The following CASR variants were observed in gnomAD, a reference collection of about 807,000 sequenced individuals.
CASR encodes the protein extracellular calcium-sensing receptor.
CASR carries 23 observed loss-of-function variants against 69.1 expected under a neutral mutation model. The observed-to-expected ratio is 0.33, with a 90% confidence interval of 0.24 to 0.47. The LOEUF is 0.47. CASR is among the 20% of genes least tolerant of loss of function. CASR has a pLI of 1.00. For missense variants in CASR, 924 were observed against 1,356.1 expected, an observed-to-expected ratio of 0.68 and a Z score of 5.00; for synonymous variants, 541 against 544.7, an observed-to-expected ratio of 0.99 and a Z score of 0.10.
chr3:122,251,439 A>T (rs1055808578), intron 1 of CASR, among the ~76,000 whole-genome samples: 1 of 152,228 alleles, frequency 6.6e-6, no homozygotes, highest in Non-Finnish European at 1.5e-5. Flanking sequence ...TCTGTGTTCC[A>T]CTAAAGCTGT....
chr3:122,188,848 A>G (rs2107578542), intron 1 of CASR, among the ~76,000 whole-genome samples: 1 of 152,288 alleles, frequency 6.6e-6, no homozygotes, highest in South Asian at 2.1e-4. Flanking sequence ...AAAGTCCATG[A>G]GAATTAGAGG....
At chr3:122,232,747 C>G (rs956678694) in intron 1 of CASR, among the ~76,000 whole-genome samples, 24 of 152,026 alleles carry the variant, frequency 1.6e-4, no homozygotes, top group Non-Finnish European at 1.8e-4. Flanking sequence ...TCTCGAAAGC[C>G]CTTTCTGACT....
chr3:122,271,199 TA>T (rs2074753553), intron 4 of CASR, among the ~76,000 whole-genome samples: 1 of 152,210 alleles, frequency 6.6e-6, no homozygotes, highest in African/African-American at 2.4e-5. Flanking sequence ...ATATCTATTC[TA>T]TTAATTATGC....
chr3:122,254,085 A>G lies in CASR; in HGVS notation c.-105A>G, dbSNP rs2074526032. On this transcript the variant is annotated 5_prime_UTR_variant, in exon 2 of 7. Coordinates refer to ENST00000639785, the MANE Select transcript of CASR (RefSeq NM_000388.4). ...TATTATTTTATTAATCAATCTGTAG[A>G]CATGTGTCCCCACTGCAGGGAGTGA... The G allele has an allele frequency of 1.1e-6, 1 of 937,898 alleles. No individual in the cohort carries two copies. Among genetic ancestry groups the G allele is most frequent in the Admixed American group, 1.7e-5 (1 of 59,118 alleles). The allele number at this position is 937,898 out of a possible 1,614,324, so 58.1% of individuals were successfully genotyped here. A position where few individuals can be genotyped will look rare whatever the true frequency, so the allele number is the denominator to read the frequency against.
Position 122,257,354 on chromosome 3 carries a change from G to C in CASR, c.459G>C (p.Val153=), listed in dbSNP as rs2107627855. ...CTGGCTCAGGCGTCTCCACGGCAGT[G>C]GCAAATCTGCTGGGGCTCTTCTACA... The part of the protein sequence containing the change: ...GATGSGVSTA[V]ANLLGLFYIP... The change falls in exon 3 of 7, where the codon GTG becomes GTC. Residue 153 remains valine (V), a synonymous_variant. Coordinates refer to ENST00000639785, the MANE Select transcript of CASR (RefSeq NM_000388.4). 2 of 1,614,084 alleles carry C rather than the reference G, an allele frequency of 1.2e-6. No individual in the cohort carries two copies. The highest frequency in any genetic ancestry group is 8.5e-7 in the Non-Finnish European group (1 of 1,179,976).
intron 1 of CASR, among the ~76,000 whole-genome samples, chr3:122,210,755 CAA>C (rs748641958): frequency 6.6e-6 from 1 of 151,014 alleles, no homozygotes; most frequent in Non-Finnish European, 1.5e-5. Context: ...TATATGGAGC[CAA>C]AAAAAAGAGC....
chr3:122,272,817 T>A (rs143995369), intron 4 of CASR, among the ~76,000 whole-genome samples: 53 of 152,336 alleles, frequency 3.5e-4, no homozygotes, highest in African/African-American at 1.1e-3. Context: ...TATCATGAGT[T>A]TTTTAATGAC....
At chr3:122,255,332 G>A (rs1371461741) in intron 2 of CASR, among the ~76,000 whole-genome samples, 2 of 152,122 alleles carry the variant, frequency 1.3e-5, no homozygotes, top group Non-Finnish European at 2.9e-5. Flanking sequence ...CTTCCAGAAG[G>A]GATCCAGCAC....
rs1553768963 is a variant in CASR, at chr3:122,283,902, C to T, written c.1948C>T (p.Leu650Phe). 2 of 1,613,756 alleles carry T rather than the reference C, an allele frequency of 1.2e-6. No homozygotes were observed. Among genetic ancestry groups the T allele is most frequent in the Non-Finnish European group, 1.7e-6 (2 of 1,179,962 alleles). Residue 650 changes from leucine (L) to phenylalanine (F), a missense_variant, in exon 7 of 7, where the codon CTC becomes TTC. Coordinates refer to ENST00000639785, the MANE Select transcript of CASR (RefSeq NM_000388.4). ...TPIVKATNRE[L>F]SYLLLFSLLC... ...CATTGTCAAGGCCACCAACCGAGAG[C>T]TCTCCTACCTCCTCCTCTTCTCCCT...
intron 1 of CASR, among the ~76,000 whole-genome samples, chr3:122,195,495 C>G (rs1204245046): frequency 3.9e-5 from 6 of 152,102 alleles, no homozygotes; most frequent in Non-Finnish European, 7.4e-5. Flanking sequence ...CTCTTTGGTG[C>G]CTCATTCCAT....
rs1438218932 is a variant in CASR, at chr3:122,288,038, A to G, written c.*2847A>G. On this transcript the variant is annotated 3_prime_UTR_variant, in exon 7 of 7. Coordinates refer to ENST00000639785, the MANE Select transcript of CASR (RefSeq NM_000388.4). ...CCTATGGCTATGTTGTTACATGGCAAGGGTGAATTAAAGTATAGTGGAATT... is the reference window on the plus strand; with the variant it reads ...CCTATGGCTATGTTGTTACATGGCAGGGGTGAATTAAAGTATAGTGGAATT... The G allele has an allele frequency of 2.0e-5, 3 of 152,256 alleles. No homozygotes were observed. Among genetic ancestry groups the G allele is most frequent in the Non-Finnish European group, 4.4e-5 (3 of 68,054 alleles). The allele number at this position is 152,256 out of a possible 1,614,324, so 9.4% of individuals were successfully genotyped here.
intron 1 of CASR, among the ~76,000 whole-genome samples, chr3:122,193,814 A>C (rs565744326): frequency 2.4e-4 from 36 of 152,224 alleles, no homozygotes; most frequent in Non-Finnish European, 4.7e-4. Context: ...AAATCTAGTC[A>C]CAGTAAAGTA....
intron 1 of CASR, among the ~76,000 whole-genome samples, chr3:122,204,808 C>T (rs2073990759): frequency 6.6e-6 from 1 of 152,134 alleles, no homozygotes; most frequent in Non-Finnish European, 1.5e-5. Context: ...GTATGATTTG[C>T]ATGTCTCTGA....
At chr3:122,228,164 G>C (rs2074244051) in intron 1 of CASR, among the ~76,000 whole-genome samples, 1 of 152,192 alleles carries the variant, frequency 6.6e-6, no homozygotes, top group Non-Finnish European at 1.5e-5. Context: ...TGACTCTCAG[G>C]TAGTTTTGTT....
rs2074899710 is a variant in CASR, at chr3:122,282,227, G to A, written c.1723G>A (p.Asp575Asn). Residue 575 changes from aspartate to asparagine, a missense_variant, in exon 6 of 7, where the codon GAT becomes AAT. This residue lies in a region of CASR where 18 missense variants were observed against 57.9 expected (regional missense o/e 0.31). Coordinates refer to ENST00000639785, the MANE Select transcript of CASR (RefSeq NM_000388.4). ...GGAGTGTCCTGATGGGGAGTATAGTGATGAGACAGGTAAGGGAACCCCTCT... is the reference window on the plus strand; with the variant it reads ...GGAGTGTCCTGATGGGGAGTATAGTAATGAGACAGGTAAGGGAACCCCTCT... Reference protein sequence around the residue: ...CVECPDGEYSDETDASACNKC... With the variant: ...CVECPDGEYSNETDASACNKC... 3 of 1,614,124 alleles carry A rather than the reference G, an allele frequency of 1.9e-6. No homozygotes were observed. Among genetic ancestry groups the A allele is most frequent in the South Asian group, 2.2e-5 (2 of 91,088 alleles).
At chr3:122,199,977 G>T (rs1348711500) in intron 1 of CASR, among the ~76,000 whole-genome samples, 1 of 152,066 alleles carries the variant, frequency 6.6e-6, no homozygotes, top group Non-Finnish European at 1.5e-5. Context: ...GTGCAATCTT[G>T]GCTCACCACA....
At chr3:122,200,808 A>C (rs185268573) in intron 1 of CASR, among the ~76,000 whole-genome samples, 23 of 152,298 alleles carry the variant, frequency 1.5e-4, no homozygotes, top group Non-Finnish European at 2.8e-4. Flanking sequence ...AAGTGATTTT[A>C]CCCATTTAAA....
chr3:122,251,337 C>T (rs942311305), intron 1 of CASR, among the ~76,000 whole-genome samples: 6 of 152,192 alleles, frequency 3.9e-5, no homozygotes, highest in Admixed American at 3.9e-4. Flanking sequence ...AGGTGGACCT[C>T]CCCTCACCTA....
At chr3:122,276,893 A>G (rs2074827721) in intron 5 of CASR, among the ~76,000 whole-genome samples, 1 of 152,212 alleles carries the variant, frequency 6.6e-6, no homozygotes, top group South Asian at 2.1e-4. Context: ...GTCCTAGAAT[A>G]TAGCAGGCTG....
Sources: allele counts gnomAD v4.1 joint callset (sites outside exome capture counted in the v4.1 genomes callset), GRCh38; gene constraint gnomAD v4.1.1; regional missense constraint gnomAD v4.1.1; transcripts MANE v1.5; gene names NCBI Gene and HGNC (gene_info 2026-07-23, HGNC 2026-07-21).